CCDC60: variants seen among roughly 807,000 people sequenced by gnomAD.
CCDC60 encodes the protein coiled-coil domain containing 60.
CCDC60 carries 54 observed loss-of-function variants against 63.5 expected under a neutral mutation model. That is an observed-to-expected ratio of 0.85 (90% CI 0.68 to 1.07). The LOEUF (loss-of-function observed/expected upper bound fraction) is 1.07, where lower values mean the gene tolerates loss of function less well. CCDC60 is among the 50% of genes least tolerant of loss of function. CCDC60 has a pLI of 0.00. For synonymous variants in CCDC60, 206 were observed against 238.8 expected (o/e 0.86, Z 1.27); for missense variants, 651 against 684.3 (o/e 0.95, Z 0.54).
chr12:119,481,623 A>G (rs946147931), intron 4 of CCDC60, among the ~76,000 whole-genome samples: 3 of 151,892 alleles, frequency 2.0e-5, no homozygotes, highest in South Asian at 4.2e-4. Context: ...TTTTATTTCC[A>G]TAGGTTTTTG....
At chr12:119,358,293 A>G (rs780881518) in intron 1 of CCDC60, among the ~76,000 whole-genome samples, 1 of 152,136 alleles carries the variant, frequency 6.6e-6, no homozygotes, top group Non-Finnish European at 1.5e-5. Flanking sequence ...AGTTCCCTAT[A>G]AGGTGATTAG....
chr12:119,485,145 G>A lies in CCDC60; in HGVS notation c.450-3614G>A, dbSNP rs565580275. On this transcript the variant is annotated intron_variant, in intron 4 of 13. Coordinates refer to ENST00000327554, the MANE Select transcript of CCDC60 (RefSeq NM_178499.5). The stretch of plus-strand genomic sequence containing the variant: ...AGCACATCACCTCACCCTCACTCTC[G>A]CCTTTTAAGAGAGGTACTGCAATTA... 3.3e-5 allele frequency among the ~76,000 whole-genome samples: 5 copies of A among 152,340 alleles called. No individual in the cohort carries two copies. The East Asian group carries it at 7.7e-4, about 23-fold the overall frequency.
At chr12:119,391,185 C>T (rs1012212430) in intron 1 of CCDC60, among the ~76,000 whole-genome samples, 1 of 152,198 alleles carries the variant, frequency 6.6e-6, no homozygotes, top group African/African-American at 2.4e-5. Context: ...CTGAGCTCCT[C>T]TAAGCCACAG....
At chr12:119,496,326 C>T (rs955277688) in intron 5 of CCDC60, among the ~76,000 whole-genome samples, 9 of 152,196 alleles carry the variant, frequency 5.9e-5, no homozygotes, top group Non-Finnish European at 1.0e-4. Context: ...TGTGGATAGA[C>T]ATCTTCAAGT....
intron 2 of CCDC60, among the ~76,000 whole-genome samples, chr12:119,441,988 T>A (rs1207050081): frequency 3.3e-5 from 5 of 152,198 alleles, no homozygotes; most frequent in South Asian, 2.1e-4. Flanking sequence ...CCATTTTTTT[T>A]AAAGTTTAAA....
intron 4 of CCDC60, among the ~76,000 whole-genome samples, chr12:119,481,988 A>ATATACATATATATAG (rs1566033786): frequency 2.5e-5 from 3 of 121,950 alleles, no homozygotes; most frequent in Non-Finnish European, 5.0e-5. Context: ...ATATATATGT[A>ATATACATATATATAG]TATATATATG....
intron 13 of CCDC60, among the ~76,000 whole-genome samples, chr12:119,533,575 C>T (rs1232711026): frequency 6.6e-6 from 1 of 152,092 alleles, no homozygotes; most frequent in African/African-American, 2.4e-5. Context: ...GTCTTTAATC[C>T]ATCTTGAATT....
At chr12:119,412,597 G>A (rs901764941) in intron 1 of CCDC60, among the ~76,000 whole-genome samples, 1 of 152,178 alleles carries the variant, frequency 6.6e-6, no homozygotes, top group East Asian at 1.9e-4. Context: ...AACAGGATAC[G>A]TTTAAACTTC....
At position 119,456,011 on chromosome 12, in the gene CCDC60, GAA is replaced by G. The variant is rs376110123; in HGVS notation, c.171-15981_171-15980del. On this transcript the variant is annotated intron_variant, in intron 2 of 13. Coordinates refer to ENST00000327554, the MANE Select transcript of CCDC60 (RefSeq NM_178499.5). The surrounding 1 kb of genome is among the most constrained non-coding windows in gnomAD (Gnocchi z 4.6). Reference sequence around the variant, plus strand: ...AAAGAGAGAGAGAAAGAGAAAGAAAGAAAGAAAGAAAGAAAGAAAGAAAGAAA... The same window carrying G: ...AAAGAGAGAGAGAAAGAGAAAGAAAGAGAAAGAAAGAAAGAAAGAAAGAAA... Among the ~76,000 whole-genome samples the G allele has an allele frequency of 1.4e-4, 12 of 84,484 alleles. No homozygotes were observed. Among genetic ancestry groups the G allele is most frequent in the South Asian group, 5.4e-4 (1 of 1,868 alleles). 55.4% of individuals were successfully genotyped at this position (84,484 alleles called of 152,430 possible). A position where few individuals can be genotyped will look rare whatever the true frequency, so the allele number is the denominator to read the frequency against.
chr12:119,365,331 C>A (rs1955830371), intron 1 of CCDC60, among the ~76,000 whole-genome samples: 1 of 152,132 alleles, frequency 6.6e-6, no homozygotes, highest in African/African-American at 2.4e-5. Flanking sequence ...AAAAAAAGTT[C>A]TATTTATTGA....
chr12:119,541,020 G>T lies in CCDC60; in HGVS notation c.*305G>T. 3.8e-6 allele frequency: 1 copy of T among 262,100 alleles called. No homozygotes were observed. The highest frequency in any genetic ancestry group is 2.2e-5 in the African/African-American group (1 of 44,934). The allele number at this position is 262,100 out of a possible 1,614,324, so 16.2% of individuals were successfully genotyped here. A position where few individuals can be genotyped will look rare whatever the true frequency, so the allele number is the denominator to read the frequency against. On this transcript the variant is annotated 3_prime_UTR_variant, in exon 14 of 14. Transcript: ENST00000327554. ...ACCCTATTTACCTTCCTCAAGTACT[G>T]GAGAATAAAATTGAACTGAATGTTT...
intron 2 of CCDC60, among the ~76,000 whole-genome samples, chr12:119,439,783 C>A (rs766085217): frequency 6.6e-6 from 1 of 152,168 alleles, no homozygotes; most frequent in Non-Finnish European, 1.5e-5. Flanking sequence ...TCAGTAAAGT[C>A]CAATAGCAAA....
rs372295092 is a variant in CCDC60 at position 119,422,075 on chromosome 12, G to A, written c.91-6608G>A. Among the ~76,000 whole-genome samples the A allele has an allele frequency of 5.4e-4, 82 of 152,216 alleles. 1 individual carries two copies. The South Asian group carries it at 0.015, about 27-fold the overall frequency. ...CTTGCTCTCAAAAACTCATTGGGTC[G>A]ATAAGAGAAAGGATGCTGTTCACAC... On this transcript the variant is annotated intron_variant, in intron 1 of 13. Coordinates refer to ENST00000327554, the MANE Select transcript of CCDC60 (RefSeq NM_178499.5).
chr12:119,409,183 T>C (rs756163242), intron 1 of CCDC60, among the ~76,000 whole-genome samples: 1 of 152,176 alleles, frequency 6.6e-6, no homozygotes, highest in Non-Finnish European at 1.5e-5. Context: ...ACCTAGATCC[T>C]GATCATCGCC....
At chr12:119,522,918 A>C (rs1277056572) in intron 9 of CCDC60, 21 bp from the exon 10 acceptor site, 1 of 1,613,742 alleles carries the variant, frequency 6.2e-7, no homozygotes, top group Admixed American at 1.7e-5. Context: ...AGCAACTTGA[A>C]ACCATCCTTT....
At chr12:119,366,919 G>A (rs1955846308) in intron 1 of CCDC60, among the ~76,000 whole-genome samples, 2 of 152,224 alleles carry the variant, frequency 1.3e-5, no homozygotes, top group African/African-American at 4.8e-5. Flanking sequence ...TGCAACTTCT[G>A]CCTCCCAGGT....
In CCDC60 at chr12:119,439,150, CAAAAAAAAAAAA is replaced by C. The variant is rs11317847; in HGVS notation, c.170+10401_170+10412del. On this transcript the variant is annotated intron_variant, in intron 2 of 13. Transcript: ENST00000327554. ...ACAGTATATACATCCCTTTTCTGGG[CAAAAAAAAAAAA>C]AAAAAAAAAAAAGAGTTAGCTCAGT... is the stretch of plus-strand genomic sequence containing the variant. 2.5e-3 allele frequency among the ~76,000 whole-genome samples: 184 copies of C among 72,288 alleles called. 3 individuals carry two copies. The Middle Eastern group carries it at 0.027, about 11-fold the overall frequency. 47.4% of individuals were successfully genotyped at this position (72,288 alleles called of 152,430 possible). A position where few individuals can be genotyped will look rare whatever the true frequency, so the allele number is the denominator to read the frequency against.
At chr12:119,405,373 C>A (rs531681642) in intron 1 of CCDC60, among the ~76,000 whole-genome samples, 1 of 152,304 alleles carries the variant, frequency 6.6e-6, no homozygotes, top group African/African-American at 2.4e-5. Flanking sequence ...CTCTGTTCCC[C>A]GGCTGTATTT....
At chr12:119,411,749 T>G (rs1427663966) in intron 1 of CCDC60, among the ~76,000 whole-genome samples, 4 of 152,112 alleles carry the variant, frequency 2.6e-5, no homozygotes, top group Admixed American at 2.6e-4. Flanking sequence ...ACCTTGTTTC[T>G]GAGCCTGTTC....
Sources: gnomAD v4.1 joint callset for allele counts (sites outside exome capture counted in the v4.1 genomes callset) on GRCh38, gnomAD v4.1.1 for gene constraint, Gnocchi (gnomAD v3.1) non-coding constraint, MANE v1.5 for transcripts, NCBI Gene and HGNC (gene_info 2026-07-23, HGNC 2026-07-21) for gene names.